Variants in CTNNA2 observed in about 807,000 individuals in gnomAD.
CTNNA2 encodes catenin alpha 2.
Under a neutral mutation model 101.0 loss-of-function variants are expected in CTNNA2, and 42 were observed. The ratio of observed to expected loss-of-function variants is 0.42; its 90% CI spans 0.32 to 0.54. CTNNA2 has a LOEUF of 0.54. Among genes scored for constraint, CTNNA2 ranks in the 20% least tolerant of loss-of-function variants. CTNNA2 has a pLI of 0.14. For synonymous variants in CTNNA2, 450 were observed against 456.4 expected (o/e 0.99, Z 0.18); for missense variants, 871 against 1,223.1 (o/e 0.71, Z 4.29).
At chr2:79,598,401 T>A (rs1037253198) in intron 1 of CTNNA2, among the ~76,000 whole-genome samples, 3 of 152,196 alleles carry the variant, frequency 2.0e-5, no homozygotes, top group Admixed American at 2.0e-4. Context: ...GCTTCCAAAG[T>A]GGCTGTATGA....
chr2:79,235,160 T>C (rs1674540278), intron 2 of CTNNA2, among the ~76,000 whole-genome samples: 1 of 152,222 alleles, frequency 6.6e-6, no homozygotes, highest in South Asian at 2.1e-4. Flanking sequence ...GCTGACATTC[T>C]TCTAACTATG....
intron 7 of CTNNA2, among the ~76,000 whole-genome samples, chr2:80,225,161 TC>T (rs2149062725): frequency 6.6e-6 from 1 of 152,192 alleles, no homozygotes; most frequent in South Asian, 2.1e-4. Context: ...TGTGTTGCTG[TC>T]CCCAAGTGAC....
At chr2:80,255,391 T>C (rs1672067837) in intron 7 of CTNNA2, among the ~76,000 whole-genome samples, 1 of 152,004 alleles carries the variant, frequency 6.6e-6, no homozygotes, top group Non-Finnish European at 1.5e-5. Flanking sequence ...TGCTGTTTCC[T>C]CTTTTTCCTT....
At chr2:80,513,836 T>G (rs1239177870) in intron 9 of CTNNA2, among the ~76,000 whole-genome samples, 1 of 152,190 alleles carries the variant, frequency 6.6e-6, no homozygotes, top group Non-Finnish European at 1.5e-5. Context: ...TACCATAGGA[T>G]AGTACCAGGG....
chr2:80,610,264 C>G (rs964488434), intron 17 of CTNNA2, among the ~76,000 whole-genome samples: 2 of 151,506 alleles, frequency 1.3e-5, no homozygotes, highest in Non-Finnish European at 3.0e-5. Context: ...TCTTCATGCT[C>G]CTTCACTGAT....
At chr2:79,508,978 T>A (rs1573203501), upstream of CTNNA2, among the ~76,000 whole-genome samples, 1 of 36,482 alleles carries the variant, frequency 2.7e-5, no homozygotes. Flanking sequence ...TATATATATA[T>A]ATATATATAT....
Position 80,442,834 on chromosome 2 carries a change from G to A in CTNNA2, c.1290+23233G>A, listed in dbSNP as rs140192251. On this transcript the variant is annotated intron_variant, in intron 9 of 18. Transcript: ENST00000402739. ...TCCCATCATTGTTGCCATCATCCTC[G>A]TCTTCTTTTCTCTTATTAATTAATC... 3.1e-3 allele frequency among the ~76,000 whole-genome samples: 471 copies of A among 152,232 alleles called. 3 individuals are homozygous for A. The highest frequency in any genetic ancestry group is 0.011 in the African/African-American group (458 of 41,534).
chr2:80,619,142 G>T lies in CTNNA2; in HGVS notation c.2488G>T (p.Gly830Trp). The T allele has an allele frequency of 6.4e-7, 1 of 1,559,178 alleles. No homozygotes were observed. Among genetic ancestry groups the T allele is most frequent in the South Asian group, 1.2e-5 (1 of 84,182 alleles). The change falls in exon 18 of 19, where the codon GGG becomes TGG. Residue 830 changes from glycine (G) to tryptophan (W), a missense_variant. Coordinates refer to ENST00000402739, the MANE Select transcript of CTNNA2 (RefSeq NM_001282597.3). ...TGAGGTAGATTGTGATGTCATAGATGGGGGCAGGGCTAGTCAACTTTCTAC... is the reference window on the plus strand; with the variant it reads ...TGAGGTAGATTGTGATGTCATAGATTGGGGCAGGGCTAGTCAACTTTCTAC... Reference protein sequence around the residue: ...FYEVDCDVIDGGRASQLSTHL... With the variant: ...FYEVDCDVIDWGRASQLSTHL...
intron 1 of CTNNA2, among the ~76,000 whole-genome samples, chr2:79,560,543 G>C (rs1181160323): frequency 2.0e-5 from 3 of 151,878 alleles, no homozygotes; most frequent in Non-Finnish European, 2.9e-5. Flanking sequence ...GTATGTGGCA[G>C]GTGCAGAGGT....
At chr2:79,968,741 C>T (rs1381432680) in intron 7 of CTNNA2, among the ~76,000 whole-genome samples, 3 of 152,050 alleles carry the variant, frequency 2.0e-5, no homozygotes, top group African/African-American at 4.8e-5. Context: ...AATTCCATTT[C>T]GTATGGTTAC....
intron 7 of CTNNA2, among the ~76,000 whole-genome samples, chr2:80,129,962 T>A (rs1302476864): frequency 6.6e-6 from 1 of 152,102 alleles, no homozygotes; most frequent in African/African-American, 2.4e-5. Context: ...AAATAAAAAA[T>A]TATGATACAG....
intron 9 of CTNNA2, among the ~76,000 whole-genome samples, chr2:80,495,499 A>G (rs557974758): frequency 7.2e-4 from 109 of 152,326 alleles, no homozygotes; most frequent in African/African-American, 2.5e-3. Flanking sequence ...AAAAGGAAGA[A>G]AGAGAGAAAT....
At chr2:79,960,688 G>C (rs1689567868) in intron 7 of CTNNA2, among the ~76,000 whole-genome samples, 2 of 152,164 alleles carry the variant, frequency 1.3e-5, no homozygotes, top group Middle Eastern at 3.4e-3. Context: ...TTTTCTCAGA[G>C]CTTTTTTTCT....
intron 2 of CTNNA2, among the ~76,000 whole-genome samples, chr2:79,730,686 C>T (rs6547268): frequency 0.4 from 61,042 of 151,674 alleles, 14,317 homozygotes; most frequent in African/African-American, 0.66. Flanking sequence ...ACATTTTCAG[C>T]ATATCATAGT....
intron 7 of CTNNA2, among the ~76,000 whole-genome samples, chr2:80,272,976 T>C (rs935970233): frequency 2.6e-5 from 4 of 152,164 alleles, no homozygotes; most frequent in African/African-American, 7.2e-5. Context: ...GGTAGAACTT[T>C]GGGCGTGCGT....
rs114440017 is a variant in CTNNA2 at position 79,805,385 on chromosome 2, C to T, written c.299-52628C>T. On this transcript the variant is annotated intron_variant, in intron 3 of 18. Transcript: ENST00000402739. ...TACAATATTTTAAAATAATTTTGTG[C>T]GTGGAACAAAGTTTTGACTGTGTTT... 4.0e-3 allele frequency among the ~76,000 whole-genome samples: 602 copies of T among 152,162 alleles called. 4 individuals carry two copies. The highest frequency in any genetic ancestry group is 0.014 in the African/African-American group (572 of 41,512).
intron 17 of CTNNA2, among the ~76,000 whole-genome samples, chr2:80,609,598 G>T (rs925221613): frequency 7.2e-5 from 11 of 151,728 alleles, no homozygotes; most frequent in African/African-American, 1.9e-4. Flanking sequence ...GCCAAGAAGT[G>T]ATCAAATCAT....
At chr2:79,941,111 C>A (rs1435656592) in intron 7 of CTNNA2, among the ~76,000 whole-genome samples, 4 of 152,206 alleles carry the variant, frequency 2.6e-5, no homozygotes, top group African/African-American at 9.6e-5. Flanking sequence ...GTGGATTCTG[C>A]AGATCCCAGC....
At chr2:79,276,241 G>C (rs530778746) in intron 2 of CTNNA2, among the ~76,000 whole-genome samples, 1 of 152,200 alleles carries the variant, frequency 6.6e-6, no homozygotes, top group African/African-American at 2.4e-5. Flanking sequence ...TTACGCATAA[G>C]TCCTCTGCAT....
Sources: allele counts gnomAD v4.1 joint callset (sites outside exome capture counted in the v4.1 genomes callset), GRCh38; gene constraint gnomAD v4.1.1; transcripts MANE v1.5; gene names NCBI Gene and HGNC (gene_info 2026-07-23, HGNC 2026-07-21).